The following SLC18A3 variants were observed in gnomAD, a reference collection of about 807,000 sequenced individuals.
The protein encoded by SLC18A3 is solute carrier family 18 member A3, also known as vesicular acetylcholine transporter.
SLC18A3 carries 18 observed loss-of-function variants against 24.2 expected under a neutral mutation model. The ratio of observed to expected loss-of-function variants is 0.74; its 90% CI spans 0.51 to 1.10. The LOEUF is 1.10. Among genes scored for constraint, SLC18A3 ranks in the 50% least tolerant of loss-of-function variants. The pLI, the probability that SLC18A3 is intolerant of heterozygous loss-of-function variation, is 0.00. For missense variants in SLC18A3, 744 were observed against 750.7 expected (o/e 0.99, Z 0.10); for synonymous variants, 415 against 355.4 (o/e 1.17, Z -1.89).
chr10:49,610,576 C>T lies in SLC18A3; in HGVS notation c.-165C>T, dbSNP rs1838262300. ...ACGCCTCGCCGGACGGAGTCCTTTC[C>T]TTTCCCGGGACGCTGGGCCATGAGC... On this transcript the variant is annotated 5_prime_UTR_variant, in exon 1 of 1. Coordinates refer to ENST00000374115, the MANE Select transcript of SLC18A3 (RefSeq NM_003055.3). 3 of 618,750 alleles carry T rather than the reference C, an allele frequency of 4.8e-6. No homozygotes were observed. The East Asian group carries it at 9.7e-5, about 20-fold the overall frequency. The allele number at this position is 618,750 out of a possible 1,614,324, so 38.3% of individuals were successfully genotyped here. A position where few individuals can be genotyped will look rare whatever the true frequency, so the allele number is the denominator to read the frequency against.
Position 49,610,830 on chromosome 10 carries a change from G to A in SLC18A3, c.90G>A (p.Arg30=), listed in dbSNP as rs140489850. ...AVGAALQEPR[R]QRRLVLVIVC... ...GCGCGGCGCTGCAGGAGCCCCGGCG[G>A]CAGAGGCGCCTGGTGCTTGTTATCG... The change falls in exon 1 of 1, where the codon CGG becomes CGA. Residue 30 remains arginine (R), a synonymous_variant. Coordinates refer to ENST00000374115, the MANE Select transcript of SLC18A3 (RefSeq NM_003055.3). The A allele has an allele frequency of 2.1e-5, 34 of 1,608,424 alleles. No homozygotes were observed. The highest frequency in any genetic ancestry group is 2.9e-5 in the Non-Finnish European group (34 of 1,177,612).
chr10:49,611,757 G>A lies in SLC18A3; in HGVS notation c.1017G>A (p.Val339=). The A allele has an allele frequency of 6.2e-7, 1 of 1,603,834 alleles. No homozygotes were observed. The change falls in exon 1 of 1, where the codon GTG becomes GTA. Residue 339 remains valine (V), a synonymous_variant. Coordinates refer to ENST00000374115, the MANE Select transcript of SLC18A3 (RefSeq NM_003055.3). ...MAWLPAFVPH[V]LGVYLTVRLA... ...GGCTGCCGGCCTTCGTGCCTCATGTGCTGGGCGTCTACCTCACCGTGCGCC... is the reference window on the plus strand; with the variant it reads ...GGCTGCCGGCCTTCGTGCCTCATGTACTGGGCGTCTACCTCACCGTGCGCC...
chr10:49,610,735 G>T lies in SLC18A3; in HGVS notation c.-6G>T. Reference sequence around the variant, plus strand: ...GGCGTCCTCGGAAGAGCATCGGGGTGGGGGCATGGAATCCGCGGAACCTGC... The same window carrying T: ...GGCGTCCTCGGAAGAGCATCGGGGTTGGGGCATGGAATCCGCGGAACCTGC... On this transcript the variant is annotated 5_prime_UTR_variant, in exon 1 of 1. Transcript: ENST00000374115. 6.6e-7 allele frequency: 1 copy of T among 1,508,144 alleles called. No homozygotes were observed. Among genetic ancestry groups the T allele is most frequent in the South Asian group, 1.3e-5 (1 of 74,848 alleles). The allele number at this position is 1,508,144 out of a possible 1,614,324, so 93.4% of individuals were successfully genotyped here.
rs1352245802 is a variant in SLC18A3, at chr10:49,610,800, T to A, written c.60T>A (p.Ala20=). Residue 20 remains alanine (A), a synonymous_variant, in exon 1 of 1, where the codon GCT becomes GCA. Coordinates refer to ENST00000374115, the MANE Select transcript of SLC18A3 (RefSeq NM_003055.3). ...CGGCGGCCACCAAGCTGTCGGAGGC[T>A]GTGGGCGCGGCGCTGCAGGAGCCCC... ...ARAAATKLSE[A]VGAALQEPRR... is the part of the protein sequence containing the mutation. 1 of 1,591,458 alleles carries A rather than the reference T, an allele frequency of 6.3e-7. No homozygotes were observed. The highest frequency in any genetic ancestry group is 8.6e-7 in the Non-Finnish European group (1 of 1,169,570).
At position 49,611,409 on chromosome 10, in the gene SLC18A3, C is replaced by G; in HGVS notation, c.669C>G (p.Phe223Leu). Residue 223 changes from phenylalanine (F) to leucine (L), a missense_variant, in exon 1 of 1, where the codon TTC becomes TTG. Physicochemically the swap from Phe to Leu is conservative, Grantham distance 22. Transcript: ENST00000374115. ...GCGTGGCGCTGGCCTTCATTAGCTT[C>G]GGAAGCCTAGTGGCCCCGCCCTTCG... is the stretch of plus-strand genomic sequence containing the variant. ...ALGVALAFIS[F>L]GSLVAPPFGG... is the part of the protein sequence containing the mutation. The G allele has an allele frequency of 6.3e-7, 1 of 1,598,014 alleles. No individual in the cohort carries two copies.
At position 49,611,871 on chromosome 10, in the gene SLC18A3, C is replaced by T. The variant is rs1184898298; in HGVS notation, c.1131C>T (p.Cys377=). Residue 377 remains cysteine, a synonymous_variant, in exon 1 of 1, where the codon TGC becomes TGT. Transcript: ENST00000374115. The stretch of plus-strand genomic sequence containing the variant: ...CCAGCTCGTGCATCGTGCCCGCCTG[C>T]CGCTCCTTCGCGCCGCTAGTGGTCT... ...IGASSCIVPA[C]RSFAPLVVSL... 1 of 1,608,520 alleles carries T rather than the reference C, an allele frequency of 6.2e-7. No homozygotes were observed.
rs142761243 is a variant in SLC18A3 at position 49,612,191 on chromosome 10, T to C, written c.1451T>C (p.Val484Ala). 2.1e-5 allele frequency: 33 copies of C among 1,609,504 alleles called. No individual in the cohort carries two copies. In the African/African-American group the frequency reaches 3.1e-4, roughly 15 times the overall value. The part of the protein sequence containing the change: ...LLTRSRSERD[V>A]LLDEPPQGLY... Reference sequence around the variant, plus strand: ...ACGCGCTCCCGTTCCGAGCGCGATGTGCTGCTTGATGAGCCACCGCAAGGT... The same window carrying C: ...ACGCGCTCCCGTTCCGAGCGCGATGCGCTGCTTGATGAGCCACCGCAAGGT... Residue 484 changes from valine (V) to alanine (A), a missense_variant, in exon 1 of 1, where the codon GTG becomes GCG. Physicochemically the swap from Val to Ala is moderately conservative, Grantham distance 64 (BLOSUM62 0). This residue lies in a region of SLC18A3 where 160 missense variants were observed against 140.9 expected (regional missense o/e 1.14). Coordinates refer to ENST00000374115, the MANE Select transcript of SLC18A3 (RefSeq NM_003055.3).
Position 49,612,444 on chromosome 10 carries a change from AC to A in SLC18A3, c.*109del. On this transcript the variant is annotated 3_prime_UTR_variant, in exon 1 of 1. Transcript: ENST00000374115. ...TCAGGGCCCACCTCCTCCAGCGAGT[AC>A]CCCAGCCACTCCTCAACCTTGACTT... 2 of 1,088,262 alleles carry A rather than the reference AC, an allele frequency of 1.8e-6. No individual in the cohort carries two copies. Among genetic ancestry groups the A allele is most frequent in the Non-Finnish European group, 2.6e-6 (2 of 759,778 alleles). 67.4% of individuals were successfully genotyped at this position (1,088,262 alleles called of 1,614,324 possible).
Position 49,611,011 on chromosome 10 carries a change from A to G in SLC18A3, c.271A>G (p.Ser91Gly), listed in dbSNP as rs751873022. The change falls in exon 1 of 1, where the codon AGC becomes GGC. Residue 91 changes from serine (S) to glycine (G), a missense_variant. Physicochemically the swap from Ser to Gly is moderately conservative, Grantham distance 56 (BLOSUM62 0). Coordinates refer to ENST00000374115, the MANE Select transcript of SLC18A3 (RefSeq NM_003055.3). ...GCCGCTGCCCACTCCGGCCAATGCC[A>G]GCGCCTACACGGCCAACACCTCGGC... is the stretch of plus-strand genomic sequence containing the variant. ...TLPLPTPANA[S>G]AYTANTSASP... 1.9e-6 allele frequency: 3 copies of G among 1,613,670 alleles called. No homozygotes were observed. The highest frequency in any genetic ancestry group is 1.7e-6 in the Non-Finnish European group (2 of 1,179,744).
Position 49,611,691 on chromosome 10 carries a change from G to A in SLC18A3, c.951G>A (p.Lys317=). 6.2e-7 allele frequency: 1 copy of A among 1,609,836 alleles called. No homozygotes were observed. The highest frequency in any genetic ancestry group is 8.5e-7 in the Non-Finnish European group (1 of 1,179,964). The change falls in exon 1 of 1, where the codon AAG becomes AAA. Residue 317 remains lysine (K), a synonymous_variant. Transcript: ENST00000374115. ...FLEPTIATWM[K]HTMAASEWEM... ...AACCCACCATTGCCACGTGGATGAAGCATACGATGGCGGCTTCCGAGTGGG... is the reference window on the plus strand; with the variant it reads ...AACCCACCATTGCCACGTGGATGAAACATACGATGGCGGCTTCCGAGTGGG...
In SLC18A3 at chr10:49,612,592, C is replaced by A; in HGVS notation, c.*253C>A. On this transcript the variant is annotated 3_prime_UTR_variant, in exon 1 of 1. Transcript: ENST00000374115. Reference sequence around the variant, plus strand: ...TGCGGAGGTGAAGAGGACCCTGAGTCCCCACCTGCGGCTCCCCTGTGTAGA... The same window carrying A: ...TGCGGAGGTGAAGAGGACCCTGAGTACCCACCTGCGGCTCCCCTGTGTAGA... 2.0e-6 allele frequency: 1 copy of A among 500,942 alleles called. No individual in the cohort carries two copies. The highest frequency in any genetic ancestry group is 3.2e-5 in the East Asian group (1 of 30,944). 31.0% of individuals were successfully genotyped at this position (500,942 alleles called of 1,614,324 possible).
At position 49,611,803 on chromosome 10, in the gene SLC18A3, C is replaced by T. The variant is rs1490669105; in HGVS notation, c.1063C>T (p.Leu355=). The change falls in exon 1 of 1, where the codon CTG becomes TTG. Residue 355 remains leucine, a synonymous_variant. Transcript: ENST00000374115. ...GCGCCTGGCGGCGCGCTACCCACACCTGCAGTGGCTGTACGGCGCGCTTGG... is the reference window on the plus strand; with the variant it reads ...GCGCCTGGCGGCGCGCTACCCACACTTGCAGTGGCTGTACGGCGCGCTTGG... ...TVRLAARYPH[L]QWLYGALGLA... 1.2e-6 allele frequency: 2 copies of T among 1,603,324 alleles called. No individual in the cohort carries two copies. Among genetic ancestry groups the T allele is most frequent in the African/African-American group, 2.7e-5 (2 of 74,944 alleles).
rs1204722813 is a variant in SLC18A3 at position 49,612,398 on chromosome 10, A to C, written c.*59A>C. ...CTTGGGTCAAGGGGGCTGCTCTGCAAGCCCACTGGCCAGCTCTGGCTCAGG... is the reference window on the plus strand; with the variant it reads ...CTTGGGTCAAGGGGGCTGCTCTGCACGCCCACTGGCCAGCTCTGGCTCAGG... On this transcript the variant is annotated 3_prime_UTR_variant, in exon 1 of 1. Transcript: ENST00000374115. The C allele has an allele frequency of 1.3e-6, 2 of 1,507,680 alleles. No homozygotes were observed. The highest frequency in any genetic ancestry group is 2.8e-5 in the African/African-American group (2 of 71,972). The allele number at this position is 1,507,680 out of a possible 1,614,324, so 93.4% of individuals were successfully genotyped here. A position where few individuals can be genotyped will look rare whatever the true frequency, so the allele number is the denominator to read the frequency against.
chr10:49,611,523 A>G lies in SLC18A3; in HGVS notation c.783A>G (p.Ala261=). The G allele has an allele frequency of 1.2e-6, 2 of 1,602,152 alleles. No homozygotes were observed. The highest frequency in any genetic ancestry group is 1.7e-6 in the Non-Finnish European group (2 of 1,179,922). ...VSLFDALLLL[A]VAKPFSAAAR... is the part of the protein sequence containing the mutation. The stretch of plus-strand genomic sequence containing the variant: ...TCTTTGACGCGCTGTTGCTGCTGGC[A>G]GTGGCCAAACCCTTCTCGGCGGCTG... Residue 261 remains alanine, a synonymous_variant, in exon 1 of 1, where the codon GCA becomes GCG. Transcript: ENST00000374115.
In SLC18A3 at chr10:49,611,027, ACACCTCGGCGTCCCCGACAGCTGCGTGGC is replaced by A; in HGVS notation, c.290_318del (p.Thr97SerfsTer97). ...GCCAATGCCAGCGCCTACACGGCCAACACCTCGGCGTCCCCGACAGCTGCGTGGCCAGCGGGCTCAGCCCTTCGGCCCCG... is the reference window on the plus strand; with the variant it reads ...GCCAATGCCAGCGCCTACACGGCCAACAGCGGGCTCAGCCCTTCGGCCCCG... On this transcript the variant is annotated frameshift_variant, in exon 1 of 1. Coordinates refer to ENST00000374115, the MANE Select transcript of SLC18A3 (RefSeq NM_003055.3). LOFTEE classifies it high-confidence loss of function. 1 of 1,613,898 alleles carries A rather than the reference ACACCTCGGCGTCCCCGACAGCTGCGTGGC, an allele frequency of 6.2e-7. No homozygotes were observed. The highest frequency in any genetic ancestry group is 8.5e-7 in the Non-Finnish European group (1 of 1,179,906).
Position 49,611,941 on chromosome 10 carries a change from C to G in SLC18A3, c.1201C>G (p.Leu401Val). 2 of 1,612,672 alleles carry G rather than the reference C, an allele frequency of 1.2e-6. No homozygotes were observed. The highest frequency in any genetic ancestry group is 1.7e-6 in the Non-Finnish European group (2 of 1,179,390). The part of the protein sequence containing the change: ...CFGIALVDTA[L>V]LPTLAFLVDV... ...TGGCATAGCCCTAGTCGACACAGCA[C>G]TGCTGCCCACGCTCGCCTTCCTGGT... The change falls in exon 1 of 1, where the codon CTG becomes GTG. Residue 401 changes from leucine (L) to valine (V), a missense_variant. Physicochemically the swap from Leu to Val is conservative, Grantham distance 32 (BLOSUM62 1). Transcript: ENST00000374115.
Position 49,610,996 on chromosome 10 carries a change from A to C in SLC18A3, c.256A>C (p.Thr86Pro), listed in dbSNP as rs1383075014. The C allele has an allele frequency of 1.9e-6, 3 of 1,612,894 alleles. No homozygotes were observed. Among genetic ancestry groups the C allele is most frequent in the Non-Finnish European group, 2.5e-6 (3 of 1,179,386 alleles). Reference protein sequence around the residue: ...EVWEPTLPLPTPANASAYTAN... With the variant: ...EVWEPTLPLPPPANASAYTAN... ...GTGGGAGCCCACCCTGCCGCTGCCC[A>C]CTCCGGCCAATGCCAGCGCCTACAC... The change falls in exon 1 of 1, where the codon ACT becomes CCT. Residue 86 changes from threonine to proline, a missense_variant. Physicochemically the swap from Thr to Pro is conservative, Grantham distance 38 (BLOSUM62 -1). Around this residue, in one of 3 missense-constraint regions of SLC18A3, gnomAD observed 566 missense variants for 566.2 expected, o/e 1.00. Transcript: ENST00000374115.
rs1291303512 is a variant in SLC18A3 at position 49,610,799 on chromosome 10, C to T, written c.59C>T (p.Ala20Val). ...ARAAATKLSE[A>V]VGAALQEPRR... is the part of the protein sequence containing the mutation. Reference sequence around the variant, plus strand: ...GCGGCGGCCACCAAGCTGTCGGAGGCTGTGGGCGCGGCGCTGCAGGAGCCC... The same window carrying T: ...GCGGCGGCCACCAAGCTGTCGGAGGTTGTGGGCGCGGCGCTGCAGGAGCCC... Residue 20 changes from alanine (A) to valine (V), a missense_variant, in exon 1 of 1, where the codon GCT becomes GTT. Coordinates refer to ENST00000374115, the MANE Select transcript of SLC18A3 (RefSeq NM_003055.3). 2 of 1,590,218 alleles carry T rather than the reference C, an allele frequency of 1.3e-6. No individual in the cohort carries two copies. The highest frequency in any genetic ancestry group is 2.3e-5 in the South Asian group (2 of 87,992).
chr10:49,610,501 C>T lies in SLC18A3; in HGVS notation c.-240C>T. 2.3e-6 allele frequency: 1 copy of T among 434,556 alleles called. No individual in the cohort carries two copies. Among genetic ancestry groups the T allele is most frequent in the Non-Finnish European group, 4.0e-6 (1 of 252,122 alleles). The allele number at this position is 434,556 out of a possible 1,614,324, so 26.9% of individuals were successfully genotyped here. A position where few individuals can be genotyped will look rare whatever the true frequency, so the allele number is the denominator to read the frequency against. ...CTCGGCGCGCCCGACTTCCCGGCCG[C>T]CCCTGAGCCCAGCAGCCGCGGGTCC... On this transcript the variant is annotated 5_prime_UTR_variant, in exon 1 of 1. Transcript: ENST00000374115.
Sources: gnomAD v4.1 joint callset for allele counts on GRCh38, gnomAD v4.1.1 for gene constraint, gnomAD v4.1.1 regional missense constraint, MANE v1.5 for transcripts, NCBI Gene and HGNC (gene_info 2026-07-23, HGNC 2026-07-21) for gene names.